Variants in CA10 observed in about 807,000 individuals in gnomAD.
CA10 encodes the protein carbonic anhydrase-related protein 10.
Under a neutral mutation model 44.2 loss-of-function variants are expected in CA10, and 14 were observed. The ratio of observed to expected loss-of-function variants is 0.32; its 90% CI spans 0.21 to 0.50. The LOEUF is 0.50. Among genes scored for constraint, CA10 ranks in the 20% least tolerant of loss-of-function variants. The probability of loss-of-function intolerance (pLI) is 0.99; values close to 1 mark genes in which losing one functional copy is unlikely to be tolerated. For synonymous variants in CA10, 159 were observed against 141.6 expected, an observed-to-expected ratio of 1.12 and a Z score of -0.87; for missense variants, 350 against 409.7, an observed-to-expected ratio of 0.85 and a Z score of 1.26.
intron 3 of CA10, among the ~76,000 whole-genome samples, chr17:51,847,971 T>A (rs1386843048): frequency 6.6e-6 from 1 of 152,194 alleles, no homozygotes; most frequent in Admixed American, 6.5e-5. Flanking sequence ...ACCTTTCATA[T>A]AATCTGACAT....
intron 3 of CA10, among the ~76,000 whole-genome samples, chr17:51,763,600 A>T (rs1905274284): frequency 6.6e-6 from 1 of 152,148 alleles, no homozygotes; most frequent in East Asian, 1.9e-4. Context: ...ATTCTAGTCC[A>T]CTGAAAAGCC....
intron 2 of CA10, among the ~76,000 whole-genome samples, chr17:51,937,250 A>G (rs896891516): frequency 6.6e-6 from 1 of 152,130 alleles, no homozygotes; most frequent in Non-Finnish European, 1.5e-5. Context: ...ATAAGAACTC[A>G]TATCTTTCCC....
At chr17:51,657,029 T>C (rs886094099) in intron 4 of CA10, among the ~76,000 whole-genome samples, 18 of 152,132 alleles carry the variant, frequency 1.2e-4, no homozygotes, top group Admixed American at 7.9e-4. Context: ...AGAGGGTAGA[T>C]TGGAGCCAGG....
Position 51,745,789 on chromosome 17 carries a change from G to A in CA10, c.465+1844C>T, listed in dbSNP as rs1904666372. On this transcript the variant is annotated intron_variant, in intron 4 of 8. Coordinates refer to ENST00000451037, the MANE Select transcript of CA10 (RefSeq NM_020178.5). ...ACAAATATTTCTACTCTGAAGCAGT[G>A]TTGTGATAGGTGCTGGAATATGACA... Among the ~76,000 whole-genome samples, 2 of 152,194 alleles carry A rather than the reference G, an allele frequency of 1.3e-5. 1 individual carries two copies. The highest frequency in any genetic ancestry group is 4.1e-4 in the South Asian group (2 of 4,830).
At chr17:51,867,870 A>T (rs1476493245) in intron 3 of CA10, among the ~76,000 whole-genome samples, 6 of 152,226 alleles carry the variant, frequency 3.9e-5, no homozygotes, top group Non-Finnish European at 7.3e-5. Flanking sequence ...ATGTAAAAAG[A>T]AAGTTCCAAA....
At chr17:51,717,827 G>GTATATA (rs1268095043) in intron 4 of CA10, among the ~76,000 whole-genome samples, 3 of 10,350 alleles carry the variant, frequency 2.9e-4, no homozygotes, top group African/African-American at 1.0e-3. Context: ...ATATATGTGT[G>GTATATA]TGTATATATA....
At chr17:52,139,466 T>C (rs935100129) in intron 1 of CA10, among the ~76,000 whole-genome samples, 13 of 147,878 alleles carry the variant, frequency 8.8e-5, no homozygotes, top group East Asian at 2.1e-4. Flanking sequence ...TTTTTTTTTT[T>C]CGAAATAATG....
chr17:51,836,642 G>A (rs913624702), intron 3 of CA10, among the ~76,000 whole-genome samples: 5 of 152,220 alleles, frequency 3.3e-5, no homozygotes, highest in African/African-American at 1.2e-4. Flanking sequence ...ATTCGCAAAT[G>A]CTTAACATTT....
intron 2 of CA10, among the ~76,000 whole-genome samples, chr17:52,042,838 T>C (rs891770357): frequency 6.6e-6 from 1 of 152,066 alleles, no homozygotes; most frequent in Non-Finnish European, 1.5e-5. Context: ...CCCAACATCA[T>C]TTATTTAAGA....
intron 4 of CA10, among the ~76,000 whole-genome samples, chr17:51,683,590 G>A (rs1021014109): frequency 1.7e-4 from 26 of 152,230 alleles, no homozygotes; most frequent in African/African-American, 6.0e-4. Flanking sequence ...TGTGCAATAC[G>A]TAAAGCTTTG....
chr17:52,014,357 C>T (rs759378831), intron 2 of CA10, among the ~76,000 whole-genome samples: 3 of 151,780 alleles, frequency 2.0e-5, no homozygotes, highest in Admixed American at 6.6e-5. Flanking sequence ...ATACGAAGAA[C>T]GTGGCATTAA....
intron 6 of CA10, among the ~76,000 whole-genome samples, chr17:51,642,047 A>G (rs935547631): frequency 6.6e-6 from 1 of 152,224 alleles, no homozygotes; most frequent in African/African-American, 2.4e-5. Context: ...TTCAACTGAA[A>G]TGAAAAAAGG....
chr17:52,062,274 G>A (rs1255390797), intron 2 of CA10, among the ~76,000 whole-genome samples: 3 of 151,778 alleles, frequency 2.0e-5, no homozygotes, highest in Non-Finnish European at 2.9e-5. Context: ...AGATATGGCA[G>A]CAAAGGAATT....
chr17:51,905,260 A>G (rs1191100760), intron 3 of CA10, among the ~76,000 whole-genome samples: 1 of 152,104 alleles, frequency 6.6e-6, no homozygotes, highest in Non-Finnish European at 1.5e-5. Flanking sequence ...TGGAGATAGG[A>G]GTCTTTGCGC....
At chr17:52,052,229 A>G (rs1987093727) in intron 2 of CA10, among the ~76,000 whole-genome samples, 1 of 151,332 alleles carries the variant, frequency 6.6e-6, no homozygotes, top group Admixed American at 6.6e-5. Context: ...ACAACCCCCC[A>G]TGACATAAGT....
intron 1 of CA10, among the ~76,000 whole-genome samples, chr17:52,107,948 A>G (rs2143272452): frequency 6.6e-6 from 1 of 152,172 alleles, no homozygotes; most frequent in East Asian, 1.9e-4. Context: ...TGCCACATAC[A>G]ACAATGTAAA....
intron 4 of CA10, among the ~76,000 whole-genome samples, chr17:51,655,606 C>T (rs771042019): frequency 6.6e-6 from 1 of 152,208 alleles, no homozygotes; most frequent in Non-Finnish European, 1.5e-5. Context: ...TGCCTTCTCA[C>T]ATTCTGATTT....
intron 1 of CA10, among the ~76,000 whole-genome samples, chr17:52,088,730 T>C (rs1166662726): frequency 1.3e-5 from 2 of 152,200 alleles, no homozygotes; most frequent in African/African-American, 4.8e-5. Flanking sequence ...TTTCTGAGAA[T>C]GCCAAGAACA....
At chr17:52,018,872 CG>C (rs35995458) in intron 2 of CA10, among the ~76,000 whole-genome samples, 50,138 of 151,816 alleles carry the variant, frequency 0.33, 9,976 homozygotes, top group East Asian at 0.73. Flanking sequence ...GTTTGGGTCA[CG>C]GGGGTAGATC....
Sources: gnomAD v4.1 joint callset for allele counts (sites outside exome capture counted in the v4.1 genomes callset) on GRCh38, gnomAD v4.1.1 for gene constraint, MANE v1.5 for transcripts, NCBI Gene and HGNC (gene_info 2026-07-23, HGNC 2026-07-21) for gene names.